The following RNASE4 variants were observed in gnomAD, a reference collection of about 807,000 sequenced individuals.
RNASE4 encodes the protein ribonuclease 4.
For missense variants in RNASE4, 194 were observed against 192.8 expected, an observed-to-expected ratio of 1.01 and a Z score of -0.04; for synonymous variants, 93 against 71.4, an observed-to-expected ratio of 1.30 and a Z score of -1.52.
At chr14:20,695,268 AC>A (rs1431412353) in intron 1 of RNASE4, among the ~76,000 whole-genome samples, 3 of 151,920 alleles carry the variant, frequency 2.0e-5, no homozygotes, top group African/African-American at 4.8e-5. Context: ...GGTGGCACAC[AC>A]CTATAGTCCC....
chr14:20,685,740 T>C (rs558802008), intron 1 of RNASE4, among the ~76,000 whole-genome samples: 1 of 152,198 alleles, frequency 6.6e-6, no homozygotes, highest in African/African-American at 2.4e-5. Context: ...AGTACTAGTA[T>C]GGAATATAAA....
At chr14:20,685,782 C>T (rs993381238) in intron 1 of RNASE4, among the ~76,000 whole-genome samples, 2 of 152,142 alleles carry the variant, frequency 1.3e-5, no homozygotes, top group African/African-American at 4.8e-5. Context: ...TGGCTCATGC[C>T]TGTAATCCCA....
At chr14:20,690,321 G>T (rs1057220538) in intron 1 of RNASE4, among the ~76,000 whole-genome samples, 1 of 151,688 alleles carries the variant, frequency 6.6e-6, no homozygotes, top group South Asian at 2.1e-4. Context: ...AGACAGTTAC[G>T]TGTTTGGGTA....
intron 1 of RNASE4, chr14:20,694,006 T>C (rs1455948494): frequency 6.2e-7 from 1 of 1,614,018 alleles, no homozygotes; most frequent in Admixed American, 1.7e-5. Context: ...CCGTCGTCCG[T>C]AACCAGCGGG....
intron 1 of RNASE4, chr14:20,693,995 T>C: frequency 1.2e-6 from 2 of 1,614,128 alleles, no homozygotes; most frequent in Non-Finnish European, 1.7e-6. Context: ...CAGTCAATTT[T>C]CCGTCGTCCG....
chr14:20,685,302 C>T (rs1442313003), intron 1 of RNASE4, among the ~76,000 whole-genome samples: 4 of 152,186 alleles, frequency 2.6e-5, no homozygotes, highest in African/African-American at 9.7e-5. Context: ...CGTTTTCTCG[C>T]TCTGAGACAG....
chr14:20,691,127 C>T (rs968453713), intron 1 of RNASE4, among the ~76,000 whole-genome samples: 2 of 152,180 alleles, frequency 1.3e-5, no homozygotes, highest in Non-Finnish European at 2.9e-5. Flanking sequence ...CAGCAATATC[C>T]CCACAAGTTA....
intron 1 of RNASE4, chr14:20,688,715 T>A: frequency 1.0e-6 from 1 of 985,242 alleles, no homozygotes; most frequent in Non-Finnish European, 1.2e-6. Flanking sequence ...TTCATGTCCC[T>A]GCCAGGACTG....
chr14:20,694,420 C>T (rs754973746), intron 1 of RNASE4, among the ~76,000 whole-genome samples: 2 of 151,638 alleles, frequency 1.3e-5, no homozygotes, highest in Non-Finnish European at 2.9e-5. Context: ...CTGCCTCAGC[C>T]TCCCAAATAG....
intron 1 of RNASE4, among the ~76,000 whole-genome samples, chr14:20,696,903 A>G (rs1017768485): frequency 6.6e-6 from 1 of 152,190 alleles, no homozygotes; most frequent in African/African-American, 2.4e-5. Context: ...TAATTTTCTC[A>G]TGGTCACAGC....
At chr14:20,686,838 C>A (rs545798052) in intron 1 of RNASE4, among the ~76,000 whole-genome samples, 1 of 152,244 alleles carries the variant, frequency 6.6e-6, no homozygotes, top group Non-Finnish European at 1.5e-5. Context: ...TTATTTAGTC[C>A]ATTCTTCCCA....
At chr14:20,694,466 A>AT (rs1176490379) in intron 1 of RNASE4, among the ~76,000 whole-genome samples, 1 of 151,746 alleles carries the variant, frequency 6.6e-6, no homozygotes, top group Non-Finnish European at 1.5e-5. Flanking sequence ...CACCTGGCTA[A>AT]TTTTTGTGTT....
intron 1 of RNASE4, among the ~76,000 whole-genome samples, chr14:20,685,443 A>AT (rs1886378158): frequency 6.6e-6 from 1 of 152,174 alleles, no homozygotes. Flanking sequence ...AAAATCTTAT[A>AT]ATCAAGTCAT....
chr14:20,699,234 T>C (rs1419550401), intron 1 of RNASE4, 121 bp from the exon 2 acceptor site: 6 of 756,454 alleles, frequency 7.9e-6, no homozygotes, highest in Non-Finnish European at 1.3e-5. Flanking sequence ...GGGGAGATGG[T>C]GCATATAAGA....
intron 1 of RNASE4, among the ~76,000 whole-genome samples, chr14:20,692,910 C>G (rs569183483): frequency 1.4e-4 from 22 of 152,192 alleles, no homozygotes; most frequent in East Asian, 3.9e-4. Flanking sequence ...TGCAGTGGCG[C>G]GATCTCGGCT....
intron 1 of RNASE4, among the ~76,000 whole-genome samples, chr14:20,696,071 G>A (rs975398712): frequency 6.6e-6 from 1 of 152,204 alleles, no homozygotes; most frequent in South Asian, 2.1e-4. Flanking sequence ...GTGAGGCAAA[G>A]TTACTCAAGA....
chr14:20,698,276 C>A (rs922248359), intron 1 of RNASE4, among the ~76,000 whole-genome samples: 4 of 151,826 alleles, frequency 2.6e-5, no homozygotes, highest in African/African-American at 9.7e-5. Flanking sequence ...AGACAGCTAC[C>A]AACAACTATT....
At chr14:20,693,502 T>C in intron 1 of RNASE4, 1 of 1,603,660 alleles carries the variant, frequency 6.2e-7, no homozygotes, top group Non-Finnish European at 8.5e-7. Flanking sequence ...CCTAATTTGG[T>C]GATGCTGTTC....
In RNASE4 at chr14:20,690,139, C is replaced by T. The variant is rs1473477314; in HGVS notation, c.-18+5381C>T. 1.4e-3 allele frequency among the ~76,000 whole-genome samples: 194 copies of T among 142,866 alleles called. 1 individual carries two copies. The highest frequency in any genetic ancestry group is 7.2e-3 in the Middle Eastern group (2 of 276). 93.7% of individuals were successfully genotyped at this position (142,866 alleles called of 152,430 possible). On this transcript the variant is annotated intron_variant, in intron 1 of 1. Coordinates refer to ENST00000555835, the MANE Select transcript of RNASE4 (RefSeq NM_002937.5). ...CTGAGGCAGGAGAATGGCGTGAACC[C>T]GGGAGGCGGAGCTTGCAGTGAGCCG...
Sources: allele counts gnomAD v4.1 joint callset (sites outside exome capture counted in the v4.1 genomes callset), GRCh38; gene constraint gnomAD v4.1.1; transcripts MANE v1.5; gene names NCBI Gene and HGNC (gene_info 2026-07-23, HGNC 2026-07-21).